The following RBFOX1 variants were observed in gnomAD, a reference collection of about 807,000 sequenced individuals.
RBFOX1 encodes RNA binding fox-1 homolog 1, also known as RNA binding protein fox-1 homolog 1.
In RBFOX1, 8 loss-of-function variants were observed where a neutral mutation model predicts 57.7. The observed-to-expected ratio is 0.14, with a 90% CI of 0.08 to 0.25. The LOEUF is 0.25. Among genes scored for constraint, RBFOX1 ranks in the 10% least tolerant of loss-of-function variants. The pLI is 1.00. For synonymous variants in RBFOX1, 326 were observed against 222.4 expected, an observed-to-expected ratio of 1.47 and a Z score of -4.15; for missense variants, 611 against 548.5, an observed-to-expected ratio of 1.11 and a Z score of -1.14.
In RBFOX1 at chr16:6,612,522, C is replaced by T. The variant is rs111641196; in HGVS notation, c.-63-42081C>T. Among the ~76,000 whole-genome samples, 578 of 152,216 alleles carry T rather than the reference C, an allele frequency of 3.8e-3. 4 individuals carry two copies. The highest frequency in any genetic ancestry group is 0.013 in the African/African-American group (530 of 41,530). On this transcript the variant is annotated intron_variant, in intron 2 of 15. Transcript: ENST00000550418. ...AGTTGGAATTGGATGGTGAGCTTGC[C>T]ATGAGGCTAGAGCCATTCATTTCCC...
intron 4 of RBFOX1, among the ~76,000 whole-genome samples, chr16:7,274,411 C>G (rs1414310173): frequency 6.6e-6 from 1 of 152,124 alleles, no homozygotes; most frequent in Non-Finnish European, 1.5e-5. Flanking sequence ...AAGCACACCC[C>G]TCTCACACAC....
At chr16:6,947,290 G>A (rs1299283468) in intron 3 of RBFOX1, among the ~76,000 whole-genome samples, 1 of 152,116 alleles carries the variant, frequency 6.6e-6, no homozygotes, top group African/African-American at 2.4e-5. Flanking sequence ...TTGGAGTAAG[G>A]TCACCCTTCC....
intron 1 of RBFOX1, among the ~76,000 whole-genome samples, chr16:5,248,116 G>A (rs1277529821): frequency 6.6e-6 from 1 of 152,210 alleles, no homozygotes; most frequent in Non-Finnish European, 1.5e-5. Context: ...CAGTGAGGCC[G>A]GCTGTCTTGG....
At chr16:7,278,879 C>G (rs1052271352) in intron 4 of RBFOX1, among the ~76,000 whole-genome samples, 2 of 152,040 alleles carry the variant, frequency 1.3e-5, no homozygotes, top group African/African-American at 2.4e-5. Context: ...TTTATCTTGT[C>G]GAAAGGGAAT....
intron 1 of RBFOX1, among the ~76,000 whole-genome samples, chr16:6,236,585 T>C (rs1202867237): frequency 1.3e-5 from 2 of 151,964 alleles, no homozygotes. Context: ...CAGGCACGTG[T>C]CACCATGCCT....
At chr16:5,917,291 C>G (rs115479030) in intron 4 of RBFOX1, among the ~76,000 whole-genome samples, 1,700 of 152,272 alleles carry the variant, frequency 0.011, 31 homozygotes, top group African/African-American at 0.039. Context: ...TTGATAATAA[C>G]ATAATGGAGA....
At chr16:5,670,130 C>G (rs1392541629) in intron 3 of RBFOX1, among the ~76,000 whole-genome samples, 1 of 152,054 alleles carries the variant, frequency 6.6e-6, no homozygotes, top group Non-Finnish European at 1.5e-5. Context: ...TCTAGAGCAG[C>G]CAAATTCATA....
intron 1 of RBFOX1, among the ~76,000 whole-genome samples, chr16:5,284,164 C>A (rs1398180947): frequency 1.3e-5 from 2 of 152,178 alleles, no homozygotes; most frequent in Non-Finnish European, 2.9e-5. Flanking sequence ...CTTCTTCTTG[C>A]CTTCCACCAT....
At chr16:7,008,614 TTCCCTCCC>T (rs1188084327) in intron 3 of RBFOX1, among the ~76,000 whole-genome samples, 1 of 130,784 alleles carries the variant, frequency 7.6e-6, no homozygotes, top group Non-Finnish European at 1.7e-5. Context: ...AAAAATGAAA[TTCCCTCCC>T]TCCCTCCCTT....
intron 1 of RBFOX1, among the ~76,000 whole-genome samples, chr16:5,276,318 A>G (rs1012116544): frequency 6.6e-6 from 1 of 152,154 alleles, no homozygotes; most frequent in African/African-American, 2.4e-5. Flanking sequence ...TCTACAGGGA[A>G]CTCTAATCAG....
intron 3 of RBFOX1, 54 bp downstream of exon 3, chr16:6,654,704 A>T: frequency 1.4e-6 from 2 of 1,385,562 alleles, no homozygotes; most frequent in South Asian, 2.8e-5. Flanking sequence ...AACTCTGTGA[A>T]TTGAACCCAG....
intron 4 of RBFOX1, among the ~76,000 whole-genome samples, chr16:5,903,909 C>G (rs930596339): frequency 6.6e-6 from 1 of 152,128 alleles, no homozygotes; most frequent in East Asian, 1.9e-4. Context: ...CTGGCTTCCT[C>G]TGTCTTTGCT....
At chr16:5,558,414 C>A (rs531643374) in intron 2 of RBFOX1, among the ~76,000 whole-genome samples, 1 of 152,204 alleles carries the variant, frequency 6.6e-6, no homozygotes, top group South Asian at 2.1e-4. Flanking sequence ...CCTTAGAGGT[C>A]TGAGCATCGA....
At chr16:5,664,453 C>T (rs2049765616) in intron 3 of RBFOX1, among the ~76,000 whole-genome samples, 1 of 151,986 alleles carries the variant, frequency 6.6e-6, no homozygotes, top group Non-Finnish European at 1.5e-5. Context: ...GAGGCTGAGG[C>T]AGACAATCAA....
chr16:7,201,320 G>C (rs764627249), intron 4 of RBFOX1, among the ~76,000 whole-genome samples: 5 of 152,180 alleles, frequency 3.3e-5, no homozygotes, highest in African/African-American at 1.2e-4. Context: ...GTCACCAGCT[G>C]AGGTGAAGGA....
At chr16:7,192,634 C>G (rs1263932619) in intron 4 of RBFOX1, among the ~76,000 whole-genome samples, 1 of 152,090 alleles carries the variant, frequency 6.6e-6, no homozygotes, top group Admixed American at 6.6e-5. Context: ...ATGCAATAGA[C>G]AGTTTAGATC....
At chr16:5,911,831 C>G (rs962614075) in intron 4 of RBFOX1, among the ~76,000 whole-genome samples, 2 of 152,118 alleles carry the variant, frequency 1.3e-5, no homozygotes, top group Non-Finnish European at 2.9e-5. Context: ...TAAGGCCACT[C>G]ATCTCAACCA....
chr16:5,816,551 C>G (rs933906451), intron 3 of RBFOX1, among the ~76,000 whole-genome samples: 1 of 152,096 alleles, frequency 6.6e-6, no homozygotes, highest in African/African-American at 2.4e-5. Flanking sequence ...CTTGTAATCC[C>G]AGTACTTTGG....
At chr16:5,700,797 A>T (rs1327036883) in intron 3 of RBFOX1, among the ~76,000 whole-genome samples, 1 of 152,186 alleles carries the variant, frequency 6.6e-6, no homozygotes, top group South Asian at 2.1e-4. Context: ...TGAATTCTTC[A>T]GTTATCCTTC....
Sources: allele counts gnomAD v4.1 joint callset (sites outside exome capture counted in the v4.1 genomes callset), GRCh38; gene constraint gnomAD v4.1.1; transcripts MANE v1.5; gene names NCBI Gene and HGNC (gene_info 2026-07-23, HGNC 2026-07-21).